Variants in HDGFL3 observed in about 807,000 individuals in gnomAD.
HDGFL3 encodes HDGF like 3.
Under a neutral mutation model 27.6 loss-of-function variants are expected in HDGFL3, and 6 were observed. That is an observed-to-expected ratio of 0.22 (90% CI 0.12 to 0.43). HDGFL3 has a LOEUF of 0.43. Among genes scored for constraint, HDGFL3 ranks in the 20% least tolerant of loss-of-function variants. The probability of loss-of-function intolerance (pLI) is 1.00; values close to 1 mark genes in which losing one functional copy is unlikely to be tolerated. For missense variants in HDGFL3, 207 were observed against 250.1 expected, an observed-to-expected ratio of 0.83 and a Z score of 1.16; for synonymous variants, 88 against 88.9, an observed-to-expected ratio of 0.99 and a Z score of 0.05.
chr15:83,129,820 G>T lies in HDGFL3; in HGVS notation c.*9450C>A, dbSNP rs887429421. On this transcript the variant is annotated 3_prime_UTR_variant, in exon 6 of 6. Transcript: ENST00000299633. ...GGGAATAACCCAGGGAAACACTGAGGTGTGGGCATATGCAGCAGGTCTGAG... is the reference window on the plus strand; with the variant it reads ...GGGAATAACCCAGGGAAACACTGAGTTGTGGGCATATGCAGCAGGTCTGAG... 6.6e-6 allele frequency: 1 copy of T among 152,280 alleles called. No homozygotes were observed. The highest frequency in any genetic ancestry group is 1.5e-5 in the Non-Finnish European group (1 of 68,088). 9.4% of individuals were successfully genotyped at this position (152,280 alleles called of 1,614,324 possible).
chr15:83,194,311 A>G (rs2037545449), intron 1 of HDGFL3, among the ~76,000 whole-genome samples: 1 of 152,242 alleles, frequency 6.6e-6, no homozygotes, highest in Non-Finnish European at 1.5e-5. Context: ...ACAAAAAAAC[A>G]CATACCGTAT....
rs528821648 is a variant in HDGFL3, at chr15:83,151,139, G to A, written c.606+76C>T. On this transcript the variant is annotated intron_variant, in intron 5 of 5. Coordinates refer to ENST00000299633, the MANE Select transcript of HDGFL3 (RefSeq NM_016073.4). The stretch of plus-strand genomic sequence containing the variant: ...ATTTATCAACACAATGTTTACTAAT[G>A]CTGACATATGGATGCTGAATCTGAA... 1,137 of 1,333,842 alleles carry A rather than the reference G, an allele frequency of 8.5e-4. 3 individuals are homozygous for A. Among genetic ancestry groups the A allele is most frequent in the Non-Finnish European group, 1.1e-3 (1,052 of 950,242 alleles). The allele number at this position is 1,333,842 out of a possible 1,614,324, so 82.6% of individuals were successfully genotyped here. A position where few individuals can be genotyped will look rare whatever the true frequency, so the allele number is the denominator to read the frequency against.
At chr15:83,150,526 C>T (rs1451171260) in intron 5 of HDGFL3, among the ~76,000 whole-genome samples, 2 of 152,116 alleles carry the variant, frequency 1.3e-5, no homozygotes, top group Non-Finnish European at 2.9e-5. Context: ...CTGACATGAA[C>T]AGGCAAGAAC....
rs2036470064 is a variant in HDGFL3, at chr15:83,134,353, T to C, written c.*4917A>G. 1 of 152,200 alleles carries C rather than the reference T, an allele frequency of 6.6e-6. No homozygotes were observed. The highest frequency in any genetic ancestry group is 1.5e-5 in the Non-Finnish European group (1 of 68,084). The allele number at this position is 152,200 out of a possible 1,614,324, so 9.4% of individuals were successfully genotyped here. ...CTCCTGCCTCAGCCTCCCGAGCAGCTGAGATTACAGGCGTCTGCCACCACG... is the reference window on the plus strand; with the variant it reads ...CTCCTGCCTCAGCCTCCCGAGCAGCCGAGATTACAGGCGTCTGCCACCACG... On this transcript the variant is annotated 3_prime_UTR_variant, in exon 6 of 6. Coordinates refer to ENST00000299633, the MANE Select transcript of HDGFL3 (RefSeq NM_016073.4).
intron 1 of HDGFL3, among the ~76,000 whole-genome samples, chr15:83,203,835 G>A (rs1259041763): frequency 4.0e-5 from 6 of 151,152 alleles, no homozygotes; most frequent in East Asian, 1.9e-4. Context: ...GTAACAGAAA[G>A]CACATGTATA....
downstream of HDGFL3, chr15:83,127,300 T>C: frequency 1.3e-6 from 2 of 1,488,934 alleles, no homozygotes; most frequent in Non-Finnish European, 1.8e-6. Context: ...TTGTACTTTT[T>C]AGTCAGGCCA....
chr15:83,119,847 C>T, intron 3 of HDGFL3: 1 of 1,044,950 alleles, frequency 9.6e-7, no homozygotes, highest in East Asian at 2.6e-5. Flanking sequence ...TGTACCACTG[C>T]CTTTTGAATA....
chr15:83,152,683 GAA>G (rs534112117), intron 4 of HDGFL3, among the ~76,000 whole-genome samples: 7 of 78,718 alleles, frequency 8.9e-5, no homozygotes, highest in Middle Eastern at 9.1e-3. Flanking sequence ...ACTCTGTCTC[GAA>G]AAAAAAAAAA....
At chr15:83,116,560 G>A (rs997334257) in intron 3 of HDGFL3, among the ~76,000 whole-genome samples, 5 of 152,178 alleles carry the variant, frequency 3.3e-5, no homozygotes, top group Non-Finnish European at 5.9e-5. Context: ...TTGTATGTAC[G>A]CTGTGGGAGT....
At chr15:83,186,600 G>C (rs575314467) in intron 1 of HDGFL3, among the ~76,000 whole-genome samples, 31 of 152,136 alleles carry the variant, frequency 2.0e-4, no homozygotes, top group Non-Finnish European at 3.4e-4. Flanking sequence ...TGAAACCGAA[G>C]GCCATTATTT....
At chr15:83,183,294 C>T (rs1407956638) in intron 1 of HDGFL3, among the ~76,000 whole-genome samples, 3 of 152,116 alleles carry the variant, frequency 2.0e-5, no homozygotes, top group Admixed American at 6.5e-5. Flanking sequence ...TAATAATATA[C>T]ATGCACAAGG....
At chr15:83,126,683 A>G (rs2035776952), downstream of HDGFL3, 6 of 1,269,628 alleles carry the variant, frequency 4.7e-6, no homozygotes, top group East Asian at 1.2e-4. Context: ...AACCTGGCAC[A>G]TTTAGCCTTA....
At chr15:83,116,125 C>T (rs1402016527) in intron 3 of HDGFL3, among the ~76,000 whole-genome samples, 1 of 152,186 alleles carries the variant, frequency 6.6e-6, no homozygotes, top group Non-Finnish European at 1.5e-5. Context: ...GGTTAGATCA[C>T]GAGAGGCAAT....
rs58159581 is a variant in HDGFL3, at chr15:83,169,414, CAAAAAAAAAAA to C, written c.85-5350_85-5340del. 7.9e-4 allele frequency among the ~76,000 whole-genome samples: 28 copies of C among 35,564 alleles called. No individual in the cohort carries two copies. In the East Asian group the frequency reaches 0.014, roughly 18 times the overall value. 23.3% of individuals were successfully genotyped at this position (35,564 alleles called of 152,430 possible). On this transcript the variant is annotated intron_variant, in intron 1 of 5. Transcript: ENST00000299633. ...TGGGCGACAGAGCGAGACTCCGTCTCAAAAAAAAAAAAAAAAAAAAAAAAAAAAAAAAAGAA... is the reference window on the plus strand; with the variant it reads ...TGGGCGACAGAGCGAGACTCCGTCTCAAAAAAAAAAAAAAAAAAAAAAGAA...
rs549064269 is a variant in HDGFL3 at position 83,169,050 on chromosome 15, A to C, written c.85-4975T>G. ...ACATGATCAACTCAAAAGACTCAGA[A>C]AGAGCTTTTGATAAAATCCCTTCAT... On this transcript the variant is annotated intron_variant, in intron 1 of 5. Transcript: ENST00000299633. 2.0e-5 allele frequency among the ~76,000 whole-genome samples: 3 copies of C among 152,326 alleles called. No homozygotes were observed. The South Asian group carries it at 6.2e-4, about 32-fold the overall frequency.
At chr15:83,145,411 C>T (rs1398272577) in intron 5 of HDGFL3, among the ~76,000 whole-genome samples, 1 of 152,182 alleles carries the variant, frequency 6.6e-6, no homozygotes, top group Non-Finnish European at 1.5e-5. Context: ...CTTGTTCTAA[C>T]TAAAACCTGT....
chr15:83,139,152 G>T lies in HDGFL3; in HGVS notation c.*118C>A. ...TATGAATAATGTACATACAAACTGG[G>T]GTTCTGTCAATGACAACAAGGACTA... On this transcript the variant is annotated 3_prime_UTR_variant, in exon 6 of 6. Transcript: ENST00000299633. 1 of 551,304 alleles carries T rather than the reference G, an allele frequency of 1.8e-6. No individual in the cohort carries two copies. Among genetic ancestry groups the T allele is most frequent in the Non-Finnish European group, 3.0e-6 (1 of 332,434 alleles). The allele number at this position is 551,304 out of a possible 1,614,324, so 34.2% of individuals were successfully genotyped here. A position where few individuals can be genotyped will look rare whatever the true frequency, so the allele number is the denominator to read the frequency against.
In HDGFL3 at chr15:83,139,089, T is replaced by G. The variant is rs1356909073; in HGVS notation, c.*181A>C. The stretch of plus-strand genomic sequence containing the variant: ...TAAATCAGTAACTTTTAAAAAAGGC[T>G]AAAATGTCTTTTCCCCCCGAAACAC... On this transcript the variant is annotated 3_prime_UTR_variant, in exon 6 of 6. Transcript: ENST00000299633. 7.8e-6 allele frequency: 3 copies of G among 385,922 alleles called. No homozygotes were observed. The highest frequency in any genetic ancestry group is 6.2e-5 in the African/African-American group (3 of 48,596). 23.9% of individuals were successfully genotyped at this position (385,922 alleles called of 1,614,324 possible). A position where few individuals can be genotyped will look rare whatever the true frequency, so the allele number is the denominator to read the frequency against.
At chr15:83,147,192 A>G (rs2036908085) in intron 5 of HDGFL3, among the ~76,000 whole-genome samples, 1 of 151,968 alleles carries the variant, frequency 6.6e-6, no homozygotes, top group Admixed American at 6.6e-5. Flanking sequence ...CCTCCCGAGT[A>G]GTTGGGACTA....
Sources: allele counts gnomAD v4.1 joint callset (sites outside exome capture counted in the v4.1 genomes callset), GRCh38; gene constraint gnomAD v4.1.1; transcripts MANE v1.5; gene names NCBI Gene and HGNC (gene_info 2026-07-23, HGNC 2026-07-21).